DIAPH2: variants seen among roughly 807,000 people sequenced by gnomAD.
DIAPH2 encodes protein diaphanous homolog 2.
In DIAPH2, 35 loss-of-function variants were observed where a neutral mutation model predicts 92.7. The ratio of observed to expected loss-of-function variants is 0.38; its 90% CI spans 0.29 to 0.50. The LOEUF (loss-of-function observed/expected upper bound fraction) is 0.50. DIAPH2 is among the 20% of genes least tolerant of loss of function. The probability of loss-of-function intolerance (pLI) is 0.94; values close to 1 mark genes in which losing one functional copy is unlikely to be tolerated. For synonymous variants in DIAPH2, 301 were observed against 280.4 expected, an observed-to-expected ratio of 1.07 and a Z score of -0.73; for missense variants, 701 against 819.5, an observed-to-expected ratio of 0.86 and a Z score of 1.77.
At chrX:97,545,536 ATATATAT>A (rs1569421553) in intron 26 of DIAPH2, among the ~76,000 whole-genome samples, 25 of 71,951 alleles carry the variant, frequency 3.5e-4, no homozygotes, top group Non-Finnish European at 4.4e-4. Context: ...AAAAAAAAAT[ATATATAT>A]ATATATATAT....
chrX:97,562,158 G>A (rs1440843470), intron 26 of DIAPH2, among the ~76,000 whole-genome samples: 3 of 110,660 alleles, frequency 2.7e-5, no homozygotes, highest in Non-Finnish European at 5.7e-5. Flanking sequence ...AGTAAGGTAG[G>A]GTTACTCTCC....
At chrX:97,263,904 A>T (rs936424401) in intron 23 of DIAPH2, among the ~76,000 whole-genome samples, 19 of 99,047 alleles carry the variant, frequency 1.9e-4, no homozygotes, top group African/African-American at 5.2e-4. Flanking sequence ...TTAGTTTTTT[A>T]TTTATTTATT....
intron 17 of DIAPH2, among the ~76,000 whole-genome samples, chrX:97,049,026 T>C (rs1444826191): frequency 2.7e-5 from 3 of 110,353 alleles, no homozygotes; most frequent in Non-Finnish European, 3.8e-5. Flanking sequence ...TGTGTGCTCA[T>C]TGCTACTGGA....
At chrX:96,835,002 T>G (rs950111267) in intron 4 of DIAPH2, among the ~76,000 whole-genome samples, 1 of 112,055 alleles carries the variant, frequency 8.9e-6, no homozygotes, top group African/African-American at 3.2e-5. Flanking sequence ...TGAGTTTTTG[T>G]TATTTACTCA....
intron 25 of DIAPH2, among the ~76,000 whole-genome samples, chrX:97,393,458 T>C (rs1432335714): frequency 8.9e-6 from 1 of 112,120 alleles, no homozygotes; most frequent in African/African-American, 3.2e-5. Flanking sequence ...CACAGTAATA[T>C]ACCACTTATT....
chrX:97,414,485 C>G (rs2069918295), intron 25 of DIAPH2, among the ~76,000 whole-genome samples: 1 of 109,572 alleles, frequency 9.1e-6, no homozygotes, highest in Non-Finnish European at 1.9e-5. Context: ...CCTGTCTCTA[C>G]TAAAAATATA....
intron 1 of DIAPH2, among the ~76,000 whole-genome samples, chrX:96,721,121 G>A (rs193265533): frequency 2.7e-5 from 3 of 111,506 alleles, no homozygotes; most frequent in African/African-American, 9.8e-5. Flanking sequence ...GTACCTGAGG[G>A]ATTAAGTTAA....
chrX:97,354,667 C>G (rs2069249020), intron 24 of DIAPH2, among the ~76,000 whole-genome samples: 1 of 112,715 alleles, frequency 8.9e-6, no homozygotes, highest in South Asian at 3.6e-4. Context: ...GGCCACTGCA[C>G]CCGACCAAAT....
intron 26 of DIAPH2, among the ~76,000 whole-genome samples, chrX:97,519,744 T>C (rs1197915943): frequency 9.0e-6 from 1 of 111,612 alleles, no homozygotes; most frequent in Non-Finnish European, 1.9e-5. Flanking sequence ...TATTTTTATT[T>C]TTTTTGAGAT....
At chrX:96,823,975 A>AAT (rs202132555) in intron 4 of DIAPH2, among the ~76,000 whole-genome samples, 2,667 of 91,932 alleles carry the variant, frequency 0.029, 78 homozygotes, top group African/African-American at 0.11. Flanking sequence ...TAAATAAAGA[A>AAT]ATATATATAT....
intron 26 of DIAPH2, among the ~76,000 whole-genome samples, chrX:97,532,045 A>G (rs1043473322): frequency 3.5e-5 from 4 of 112,687 alleles, no homozygotes; most frequent in Non-Finnish European, 7.5e-5. Context: ...TTAATATCAT[A>G]TACCTAAACA....
chrX:97,231,499 C>G (rs1026902203), intron 22 of DIAPH2, among the ~76,000 whole-genome samples: 44 of 111,302 alleles, frequency 4.0e-4, no homozygotes, highest in African/African-American at 1.3e-3. Context: ...TGTAGCTCTT[C>G]AAGTTTACAG....
At chrX:97,143,378 T>G (rs1259803302) in intron 22 of DIAPH2, among the ~76,000 whole-genome samples, 1 of 110,879 alleles carries the variant, frequency 9.0e-6, no homozygotes, top group Non-Finnish European at 1.9e-5. Flanking sequence ...CTACCAGAAT[T>G]TTTTTCTAAG....
intron 26 of DIAPH2, among the ~76,000 whole-genome samples, chrX:97,523,521 C>T (rs1602647195): frequency 9.0e-6 from 1 of 111,548 alleles, no homozygotes; most frequent in African/African-American, 3.3e-5. Flanking sequence ...TACCGTATGC[C>T]AAGGGAAATT....
rs190139112 is a variant in DIAPH2, at chrX:96,770,951, G to A, written c.447+12693G>A. The stretch of plus-strand genomic sequence containing the variant: ...CTAACTTGTACATTATACTTATTTT[G>A]GATAGGGGTATCTGTATATGTTTTG... On this transcript the variant is annotated intron_variant, in intron 4 of 26. Coordinates refer to ENST00000324765, the MANE Select transcript of DIAPH2 (RefSeq NM_006729.5). Among the ~76,000 whole-genome samples, 11 of 111,437 alleles carry A rather than the reference G, an allele frequency of 9.9e-5. No individual in the cohort carries two copies. In the East Asian group the frequency reaches 3.1e-3, roughly 31 times the overall value.
intron 22 of DIAPH2, among the ~76,000 whole-genome samples, chrX:97,236,502 T>G (rs2068048028): frequency 9.1e-6 from 1 of 110,161 alleles, no homozygotes; most frequent in Admixed American, 9.7e-5. Flanking sequence ...GAAGTAAGGG[T>G]ATATATTAGT....
chrX:96,759,006 A>G (rs2064250474), intron 4 of DIAPH2, among the ~76,000 whole-genome samples: 1 of 108,721 alleles, frequency 9.2e-6, no homozygotes, highest in African/African-American at 3.3e-5. Context: ...CATCTTTTAC[A>G]TTTCTGTAAA....
At chrX:96,918,057 A>G (rs1209606470) in intron 8 of DIAPH2, among the ~76,000 whole-genome samples, 1 of 111,211 alleles carries the variant, frequency 9.0e-6, no homozygotes, top group Non-Finnish European at 1.9e-5. Flanking sequence ...TTTCCTTTTG[A>G]TGCCCTAAAA....
At chrX:96,981,543 A>C (rs974333565) in intron 17 of DIAPH2, among the ~76,000 whole-genome samples, 1 of 112,207 alleles carries the variant, frequency 8.9e-6, no homozygotes, top group Non-Finnish European at 1.9e-5. Flanking sequence ...TGCCTTCACT[A>C]TATGCCAGGT....
Sources: allele counts gnomAD v4.1 joint callset (sites outside exome capture counted in the v4.1 genomes callset), GRCh38; gene constraint gnomAD v4.1.1; transcripts MANE v1.5; gene names NCBI Gene and HGNC (gene_info 2026-07-23, HGNC 2026-07-21).